The following MAPKAP1 variants were observed in gnomAD, a reference collection of about 807,000 sequenced individuals.
MAPKAP1 encodes MAPK associated protein 1.
In MAPKAP1, 20 loss-of-function variants were observed where a neutral mutation model predicts 65.7. The ratio of observed to expected loss-of-function variants is 0.30; its 90% CI spans 0.21 to 0.44. The LOEUF (loss-of-function observed/expected upper bound fraction) is 0.44. Among genes scored for constraint, MAPKAP1 ranks in the 20% least tolerant of loss-of-function variants. The pLI is 1.00. For missense variants in MAPKAP1, 423 were observed against 648.0 expected (o/e 0.65, Z 3.77); for synonymous variants, 222 against 244.3 (o/e 0.91, Z 0.85).
chr9:125,698,919 C>T (rs1477627107), intron 1 of MAPKAP1, among the ~76,000 whole-genome samples: 1 of 152,132 alleles, frequency 6.6e-6, no homozygotes, highest in East Asian at 1.9e-4. Context: ...TTTCATGATC[C>T]AGACATGAAA....
chr9:125,618,710 A>G (rs1384543043), intron 4 of MAPKAP1, among the ~76,000 whole-genome samples: 4 of 151,964 alleles, frequency 2.6e-5, no homozygotes, highest in African/African-American at 9.7e-5. Context: ...ATGTTTTTCA[A>G]TTATGATAAA....
chr9:125,545,951 AC>A (rs1830409204), intron 6 of MAPKAP1, among the ~76,000 whole-genome samples: 1 of 152,214 alleles, frequency 6.6e-6, no homozygotes. Context: ...CCATTGTGGC[AC>A]AATGTAATAT....
chr9:125,676,814 T>C (rs1386081016), intron 1 of MAPKAP1, among the ~76,000 whole-genome samples: 1 of 152,228 alleles, frequency 6.6e-6, no homozygotes, highest in African/African-American at 2.4e-5. Flanking sequence ...TTAAAATTTT[T>C]AAGTTTTTTT....
intron 6 of MAPKAP1, among the ~76,000 whole-genome samples, chr9:125,548,638 A>T (rs1830497179): frequency 6.6e-6 from 1 of 152,226 alleles, no homozygotes; most frequent in Non-Finnish European, 1.5e-5. Context: ...TAAAGTACTT[A>T]CCATAATATC....
chr9:125,514,857 G>A (rs1422204138), intron 7 of MAPKAP1, among the ~76,000 whole-genome samples: 3 of 152,086 alleles, frequency 2.0e-5, no homozygotes, highest in Non-Finnish European at 4.4e-5. Flanking sequence ...CTGAATCTGC[G>A]TTCCTCACTG....
intron 1 of MAPKAP1, among the ~76,000 whole-genome samples, chr9:125,689,324 C>T (rs1236644676): frequency 6.6e-6 from 1 of 150,838 alleles, no homozygotes; most frequent in African/African-American, 2.4e-5. Context: ...GTAGTCCCAG[C>T]TACTCAGGAG....
chr9:125,675,867 C>T lies in MAPKAP1; in HGVS notation c.-69-3224G>A, dbSNP rs189024703. Among the ~76,000 whole-genome samples, 4 of 152,012 alleles carry T rather than the reference C, an allele frequency of 2.6e-5. No individual in the cohort carries two copies. In the East Asian group the frequency reaches 5.8e-4, roughly 22 times the overall value. On this transcript the variant is annotated intron_variant, in intron 1 of 11. Coordinates refer to ENST00000265960, the MANE Select transcript of MAPKAP1 (RefSeq NM_001006617.3). ...TATAAATAAAGGATTGTCTTTTTTT[C>T]GTAATACAAGAGCATCTCTTCAACG...
At chr9:125,525,870 G>C (rs1456932913) in intron 7 of MAPKAP1, among the ~76,000 whole-genome samples, 1 of 152,128 alleles carries the variant, frequency 6.6e-6, no homozygotes, top group East Asian at 1.9e-4. Context: ...GGAACTCAAA[G>C]ACAGAGAATG....
At chr9:125,664,055 AAC>A (rs1834264757) in intron 3 of MAPKAP1, among the ~76,000 whole-genome samples, 1 of 152,214 alleles carries the variant, frequency 6.6e-6, no homozygotes, top group Non-Finnish European at 1.5e-5. Flanking sequence ...ATATTAAAAT[AAC>A]AGATTTCGGC....
At chr9:125,485,063 G>A (rs542690189) in intron 8 of MAPKAP1, among the ~76,000 whole-genome samples, 2 of 152,100 alleles carry the variant, frequency 1.3e-5, no homozygotes, top group African/African-American at 2.4e-5. Flanking sequence ...GATTTCACTC[G>A]TTCCCCATAG....
chr9:125,609,517 G>A (rs762405927), intron 4 of MAPKAP1, among the ~76,000 whole-genome samples: 1 of 152,030 alleles, frequency 6.6e-6, no homozygotes, highest in Non-Finnish European at 1.5e-5. Context: ...AGAGTATGTT[G>A]TTTATTTGTC....
intron 4 of MAPKAP1, among the ~76,000 whole-genome samples, chr9:125,617,340 C>T (rs1287727273): frequency 2.0e-5 from 3 of 152,060 alleles, no homozygotes; most frequent in South Asian, 2.1e-4. Context: ...AAGTGCCTAG[C>T]GTCCTAGCTA....
At chr9:125,445,404 G>C (rs1455763009) in intron 10 of MAPKAP1, among the ~76,000 whole-genome samples, 5 of 152,218 alleles carry the variant, frequency 3.3e-5, no homozygotes, top group Non-Finnish European at 7.3e-5. Flanking sequence ...CCAAGCCTGG[G>C]ATGTCCTCTC....
At chr9:125,464,133 G>A (rs780664578) in intron 10 of MAPKAP1, among the ~76,000 whole-genome samples, 18 of 150,356 alleles carry the variant, frequency 1.2e-4, no homozygotes, top group Admixed American at 2.7e-4. Context: ...GTGGGTTGAG[G>A]TGGGAGGATC....
rs570113838 is a variant in MAPKAP1 at position 125,524,511 on chromosome 9, TG to T, written c.959-18095del. On this transcript the variant is annotated intron_variant, in intron 7 of 11. Coordinates refer to ENST00000265960, the MANE Select transcript of MAPKAP1 (RefSeq NM_001006617.3). ...AGGTAAGAAGCTGAATTATATATCCTGTTTTATTTTAAGCCAATTGTGACTT... is the reference window on the plus strand; with the variant it reads ...AGGTAAGAAGCTGAATTATATATCCTTTTTATTTTAAGCCAATTGTGACTT... 5.2e-5 allele frequency among the ~76,000 whole-genome samples: 8 copies of T among 152,386 alleles called. No homozygotes were observed. In the East Asian group the frequency reaches 9.6e-4, roughly 18 times the overall value.
intron 4 of MAPKAP1, among the ~76,000 whole-genome samples, chr9:125,648,916 A>G (rs1833810870): frequency 6.6e-6 from 1 of 151,978 alleles, no homozygotes; most frequent in Non-Finnish European, 1.5e-5. Context: ...ACTCCAGCCT[A>G]GGCGACAGAG....
At chr9:125,469,852 T>G (rs1194615178) in intron 9 of MAPKAP1, among the ~76,000 whole-genome samples, 1 of 152,188 alleles carries the variant, frequency 6.6e-6, no homozygotes, top group African/African-American at 2.4e-5. Flanking sequence ...TGCCTCCAAT[T>G]TGGTCATTAA....
chr9:125,629,585 T>G (rs1833215711), intron 4 of MAPKAP1, among the ~76,000 whole-genome samples: 2 of 152,060 alleles, frequency 1.3e-5, no homozygotes, highest in South Asian at 4.1e-4. Context: ...GGAAACAAAG[T>G]AAAAAAGTAG....
At chr9:125,553,337 T>A (rs1189962417) in intron 6 of MAPKAP1, among the ~76,000 whole-genome samples, 5 of 152,158 alleles carry the variant, frequency 3.3e-5, no homozygotes. Context: ...AGGTCAGGAC[T>A]TCGAGACCAG....
Sources: allele counts gnomAD v4.1 joint callset (sites outside exome capture counted in the v4.1 genomes callset), GRCh38; gene constraint gnomAD v4.1.1; transcripts MANE v1.5; gene names NCBI Gene and HGNC (gene_info 2026-07-23, HGNC 2026-07-21).